Variants in NRXN3 observed in about 807,000 individuals in gnomAD.
NRXN3 encodes neurexin III.
NRXN3 carries 32 observed loss-of-function variants against 137.6 expected under a neutral mutation model. The observed-to-expected ratio is 0.23, with a 90% CI of 0.18 to 0.31. The LOEUF is 0.31. Among genes scored for constraint, NRXN3 ranks in the 10% least tolerant of loss-of-function variants. The pLI, the probability that NRXN3 is intolerant of heterozygous loss-of-function variation, is 1.00. For synonymous variants in NRXN3, 798 were observed against 784.5 expected (o/e 1.02, Z -0.29); for missense variants, 1,574 against 2,062.5 (o/e 0.76, Z 4.59).
intron 9 of NRXN3, among the ~76,000 whole-genome samples, chr14:78,806,869 C>T (rs373889849): frequency 9.2e-5 from 14 of 152,196 alleles, no homozygotes; most frequent in Admixed American, 1.3e-4. Context: ...GGATCTCATG[C>T]GATTAATGAT....
intron 15 of NRXN3, among the ~76,000 whole-genome samples, chr14:79,036,727 G>A (rs769312670): frequency 1.3e-5 from 2 of 150,340 alleles, no homozygotes; most frequent in Non-Finnish European, 3.0e-5. Context: ...TCTTGGTGAC[G>A]TTGAAGTAAA....
chr14:79,570,413 G>C (rs891071612), intron 16 of NRXN3: 12 of 152,290 alleles, frequency 7.9e-5, no homozygotes, highest in African/African-American at 2.9e-4. Flanking sequence ...CTGGCCTGGT[G>C]CATAGGTTTG....
intron 15 of NRXN3, among the ~76,000 whole-genome samples, chr14:79,295,269 C>T (rs560622995): frequency 5.9e-5 from 9 of 151,964 alleles, no homozygotes; most frequent in East Asian, 1.9e-4. Context: ...TCCAGATTGC[C>T]GTATGGCCAC....
chr14:79,269,284 T>C lies in NRXN3; in HGVS notation c.3263-197937T>C, dbSNP rs1029443739. Reference sequence around the variant, plus strand: ...CAGGATTGTCTCGATCTCCTGACCTTGTGATCCACCCACCTTGGCCTCCCA... The same window carrying C: ...CAGGATTGTCTCGATCTCCTGACCTCGTGATCCACCCACCTTGGCCTCCCA... On this transcript the variant is annotated intron_variant, in intron 15 of 20. Transcript: ENST00000335750. 4.6e-5 allele frequency among the ~76,000 whole-genome samples: 7 copies of C among 152,204 alleles called. 1 individual carries two copies. The East Asian group carries it at 7.8e-4, about 17-fold the overall frequency.
intron 19 of NRXN3, among the ~76,000 whole-genome samples, chr14:79,802,543 A>C (rs536406078): frequency 6.6e-6 from 1 of 152,298 alleles, no homozygotes; most frequent in African/African-American, 2.4e-5. Context: ...GCCCAAACCA[A>C]ACTTTCCTGC....
chr14:78,968,284 G>A lies in NRXN3; in HGVS notation c.3080G>A (p.Arg1027His), dbSNP rs368490229. The change falls in exon 14 of 21, where the codon CGC becomes CAC. Residue 1027 changes from arginine to histidine, a missense_variant. Physicochemically the swap from Arg to His is conservative, Grantham distance 29. Around this residue, in one of 5 missense-constraint regions of NRXN3, gnomAD observed 718 missense variants for 887.6 expected, o/e 0.81. Transcript: ENST00000335750. ...CTAGCATCAGTGGACTTGAATGGACGCCTGCCAGACCTCATCAATGATGCT... is the reference window on the plus strand; with the variant it reads ...CTAGCATCAGTGGACTTGAATGGACACCTGCCAGACCTCATCAATGATGCT... Reference protein sequence around the residue: ...GCLASVDLNGRLPDLINDALH... With the variant: ...GCLASVDLNGHLPDLINDALH... The A allele has an allele frequency of 1.2e-5, 19 of 1,613,978 alleles. No individual in the cohort carries two copies. The highest frequency in any genetic ancestry group is 2.7e-5 in the African/African-American group (2 of 74,992).
chr14:79,101,349 GA>G (rs2152842826), intron 15 of NRXN3, among the ~76,000 whole-genome samples: 1 of 152,294 alleles, frequency 6.6e-6, no homozygotes, highest in Non-Finnish European at 1.5e-5. Context: ...AAGTTTTCCT[GA>G]AGTTTCCCCA....
intron 16 of NRXN3, among the ~76,000 whole-genome samples, chr14:79,517,299 AT>A (rs1353163982): frequency 4.6e-5 from 7 of 152,184 alleles, no homozygotes; most frequent in Non-Finnish European, 8.8e-5. Context: ...TTCTATTGAT[AT>A]TTTTTGACCA....
intron 8 of NRXN3, among the ~76,000 whole-genome samples, chr14:78,768,232 T>C (rs1306064582): frequency 1.3e-5 from 2 of 152,314 alleles, no homozygotes; most frequent in South Asian, 2.1e-4. Flanking sequence ...TTCCTCTCCA[T>C]GTGCTGAGAA....
chr14:79,398,123 T>C (rs2095079316), intron 15 of NRXN3, among the ~76,000 whole-genome samples: 1 of 152,200 alleles, frequency 6.6e-6, no homozygotes, highest in Non-Finnish European at 1.5e-5. Context: ...CACTCTGAAC[T>C]GTATACTCTT....
At position 79,363,443 on chromosome 14, in the gene NRXN3, C is replaced by T. The variant is rs76614793; in HGVS notation, c.3263-103778C>T. 8.3e-3 allele frequency among the ~76,000 whole-genome samples: 1,257 copies of T among 152,126 alleles called. 25 individuals are homozygous for T. The highest frequency in any genetic ancestry group is 0.082 in the South Asian group (397 of 4,826). On this transcript the variant is annotated intron_variant, in intron 15 of 20. Transcript: ENST00000335750. Reference sequence around the variant, plus strand: ...TCCGCATCCTTCTTCCAGCTCATAGCTGTAATTAGTGTTATGCTCCATGGA... The same window carrying T: ...TCCGCATCCTTCTTCCAGCTCATAGTTGTAATTAGTGTTATGCTCCATGGA...
At chr14:78,737,651 T>A (rs1217495192) in intron 8 of NRXN3, among the ~76,000 whole-genome samples, 2 of 152,080 alleles carry the variant, frequency 1.3e-5, no homozygotes, top group Non-Finnish European at 2.9e-5. Flanking sequence ...TGGGAACATT[T>A]TCAAATTAAT....
At chr14:79,516,233 C>G (rs1043191711) in intron 16 of NRXN3, among the ~76,000 whole-genome samples, 1 of 152,126 alleles carries the variant, frequency 6.6e-6, no homozygotes, top group African/African-American at 2.4e-5. Context: ...CAAAGGCAAG[C>G]AGGGTACCAG....
At chr14:79,696,915 A>C (rs1300784041) in intron 18 of NRXN3, among the ~76,000 whole-genome samples, 2 of 151,940 alleles carry the variant, frequency 1.3e-5, no homozygotes, top group Non-Finnish European at 2.9e-5. Context: ...TTTCATACTG[A>C]GGGAATAATT....
chr14:78,721,062 C>T (rs2098457524), intron 8 of NRXN3, among the ~76,000 whole-genome samples: 1 of 152,182 alleles, frequency 6.6e-6, no homozygotes, highest in Non-Finnish European at 1.5e-5. Flanking sequence ...TGCAATCTAC[C>T]AGTGTCAATG....
At chr14:79,142,351 G>A (rs1020774233) in intron 15 of NRXN3, among the ~76,000 whole-genome samples, 2 of 151,864 alleles carry the variant, frequency 1.3e-5, no homozygotes, top group Non-Finnish European at 2.9e-5. Flanking sequence ...GCTTGAACCC[G>A]GGAGGCAGAC....
intron 4 of NRXN3, among the ~76,000 whole-genome samples, chr14:78,525,721 C>G (rs1440425299): frequency 2.0e-5 from 3 of 152,154 alleles, no homozygotes; most frequent in African/African-American, 7.2e-5. Context: ...CTGTAATTAT[C>G]AATTAATACT....
chr14:78,185,983 G>T (rs984439104), intron 1 of NRXN3, among the ~76,000 whole-genome samples: 1 of 152,148 alleles, frequency 6.6e-6, no homozygotes, highest in Admixed American at 6.5e-5. Flanking sequence ...GGGGTGGCTT[G>T]TTCATCTTTG....
chr14:78,302,250 C>T (rs781086498), intron 4 of NRXN3, among the ~76,000 whole-genome samples: 4 of 152,086 alleles, frequency 2.6e-5, no homozygotes, highest in African/African-American at 4.8e-5. Context: ...AGATTTTGCA[C>T]GTGAGTATCT....
Sources: allele counts gnomAD v4.1 joint callset (sites outside exome capture counted in the v4.1 genomes callset), GRCh38; gene constraint gnomAD v4.1.1; regional missense constraint gnomAD v4.1.1; transcripts MANE v1.5; gene names NCBI Gene and HGNC (gene_info 2026-07-23, HGNC 2026-07-21).